RASA3: variants seen among roughly 807,000 people sequenced by gnomAD.
RASA3 encodes the protein ras GTPase-activating protein 3.
RASA3 carries 73 observed loss-of-function variants against 110.0 expected under a neutral mutation model. The observed-to-expected ratio is 0.66, with a 90% CI of 0.55 to 0.81. The LOEUF (loss-of-function observed/expected upper bound fraction) is 0.81, where lower values mean the gene tolerates loss of function less well. Ranked by LOEUF, RASA3 falls within the 30% of genes least tolerant of loss-of-function variation. The pLI, the probability that RASA3 is intolerant of heterozygous loss-of-function variation, is 0.00. For synonymous variants in RASA3, 500 were observed against 451.4 expected, an observed-to-expected ratio of 1.11 and a Z score of -1.37; for missense variants, 976 against 1,113.2, an observed-to-expected ratio of 0.88 and a Z score of 1.75.
intron 2 of RASA3, among the ~76,000 whole-genome samples, chr13:114,071,289 A>G (rs2079569363): frequency 1.3e-5 from 2 of 152,176 alleles, no homozygotes; most frequent in South Asian, 4.1e-4. Flanking sequence ...GGCCAGAACC[A>G]TGATTTCTAT....
chr13:114,002,390 G>A (rs1012405109), intron 18 of RASA3, among the ~76,000 whole-genome samples: 12 of 152,090 alleles, frequency 7.9e-5, no homozygotes, highest in African/African-American at 2.4e-4. Context: ...GATGCCGAAC[G>A]CCGTTCATTC....
At chr13:114,104,934 C>T (rs2080114158) in intron 1 of RASA3, among the ~76,000 whole-genome samples, 1 of 151,438 alleles carries the variant, frequency 6.6e-6, no homozygotes, top group Admixed American at 6.6e-5. Flanking sequence ...CACACGTTCA[C>T]CTGAGCATTG....
chr13:114,018,138 T>C lies in RASA3; in HGVS notation c.1057A>G (p.Ser353Gly), dbSNP rs377588790. 1.4e-4 allele frequency: 214 copies of C among 1,549,948 alleles called. No homozygotes were observed. The highest frequency in any genetic ancestry group is 1.5e-4 in the Non-Finnish European group (170 of 1,146,740). The change falls in exon 11 of 24, where the codon AGT (serine) becomes GGT (glycine). Residue 353 changes from serine (S) to glycine (G), a missense_variant. By Grantham distance (56) the Ser-to-Gly change is moderately conservative. Transcript: ENST00000334062. Reference sequence around the variant, plus strand: ...TTCACCTCCGCGCTGGCGATGGCACTGATGAATGGCACCACCCTGCCATAG... The same window carrying C: ...TTCACCTCCGCGCTGGCGATGGCACCGATGAATGGCACCACCCTGCCATAG... ...LHYGRVVPFI[S>G]AIASAEVKRT... is the part of the protein sequence containing the mutation.
At chr13:114,025,634 C>T (rs916150853) in intron 7 of RASA3, among the ~76,000 whole-genome samples, 13 of 152,384 alleles carry the variant, frequency 8.5e-5, no homozygotes, top group Admixed American at 7.8e-4. Flanking sequence ...ATCACCAGCA[C>T]GGTGCTGGCA....
intron 18 of RASA3, among the ~76,000 whole-genome samples, chr13:114,002,499 G>A (rs758792577): frequency 1.3e-5 from 2 of 152,222 alleles, no homozygotes; most frequent in Non-Finnish European, 2.9e-5. Flanking sequence ...GGGGGTTGGG[G>A]GGGGACTGGG....
chr13:113,990,263 T>C (rs1003335624), intron 22 of RASA3, among the ~76,000 whole-genome samples: 3 of 151,810 alleles, frequency 2.0e-5, no homozygotes, highest in African/African-American at 7.3e-5. Flanking sequence ...ATGGGGATGG[T>C]GAGGTTGGGA....
chr13:114,005,688 A>G (rs75595144), intron 18 of RASA3, among the ~76,000 whole-genome samples: 20,631 of 152,028 alleles, frequency 0.14, 1,775 homozygotes, highest in Middle Eastern at 0.21. Flanking sequence ...CGACTAGGGA[A>G]TCTTCTGGAA....
intron 1 of RASA3, among the ~76,000 whole-genome samples, chr13:114,076,259 G>A (rs2079679808): frequency 6.6e-6 from 1 of 152,342 alleles, no homozygotes; most frequent in African/African-American, 2.4e-5. Flanking sequence ...CATTAAGGAA[G>A]CATCAATGAT....
Position 114,132,498 on chromosome 13 carries a change from T to TCCGCGC in RASA3, c.-15_-10dup. The TCCGCGC allele has an allele frequency of 6.8e-7, 1 of 1,464,224 alleles. No homozygotes were observed. Among genetic ancestry groups the TCCGCGC allele is most frequent in the Non-Finnish European group, 9.0e-7 (1 of 1,110,268 alleles). 90.7% of individuals were successfully genotyped at this position (1,464,224 alleles called of 1,614,324 possible). On this transcript the variant is annotated 5_prime_UTR_variant, in exon 1 of 24. Coordinates refer to ENST00000334062, the MANE Select transcript of RASA3 (RefSeq NM_007368.4). Reference sequence around the variant, plus strand: ...TCGTCCTCCACCGCCATGCTGCGCGTCCGCGCCCGCCGAGCCTCGCCCCAA... The same window carrying TCCGCGC: ...TCGTCCTCCACCGCCATGCTGCGCGTCCGCGCCCGCGCCCGCCGAGCCTCGCCCCAA...
In RASA3 at chr13:114,043,852, TCACTCGCTGAGC is replaced by T. The variant is rs1469561755; in HGVS notation, c.278-2770_278-2759del. On this transcript the variant is annotated intron_variant, in intron 3 of 23. Coordinates refer to ENST00000334062, the MANE Select transcript of RASA3 (RefSeq NM_007368.4). ...CACTCGCTGAGCCCCCCGCCCCGCCTCACTCGCTGAGCCCCCCCGCCCCGCCTCACTCGCTGA... is the reference window on the plus strand; with the variant it reads ...CACTCGCTGAGCCCCCCGCCCCGCCTCCCCCCGCCCCGCCTCACTCGCTGA... Among the ~76,000 whole-genome samples, 7 of 3,982 alleles carry T rather than the reference TCACTCGCTGAGC, an allele frequency of 1.8e-3. 1 individual carries two copies. Among genetic ancestry groups the T allele is most frequent in the Non-Finnish European group, 2.9e-3 (7 of 2,376 alleles). The allele number at this position is 3,982 out of a possible 152,430, so 2.6% of individuals were successfully genotyped here. A position where few individuals can be genotyped will look rare whatever the true frequency, so the allele number is the denominator to read the frequency against.
intron 1 of RASA3, among the ~76,000 whole-genome samples, chr13:114,126,375 C>T (rs1263955272): frequency 2.0e-5 from 3 of 152,212 alleles, no homozygotes; most frequent in Non-Finnish European, 4.4e-5. Context: ...CCAGGCCGTG[C>T]ATCTCATAAC....
intron 21 of RASA3, 46 bp from the exon 22 acceptor site, chr13:113,992,634 ACGAT>A: frequency 3.6e-6 from 5 of 1,376,116 alleles, no homozygotes; most frequent in Non-Finnish European, 5.1e-6. Context: ...ACTTATTTAA[ACGAT>A]GCTTTTAATA....
chr13:114,074,856 G>C (rs1191097636), intron 1 of RASA3, among the ~76,000 whole-genome samples: 1 of 152,268 alleles, frequency 6.6e-6, no homozygotes, highest in Non-Finnish European at 1.5e-5. Flanking sequence ...TGGAAGCTCG[G>C]AGCATGCCCC....
Position 114,062,496 on chromosome 13 carries a change from C to T in RASA3, c.174-10341G>A, listed in dbSNP as rs568677950. ...GTTCCTCCGACGTTCAACACACAGT[C>T]GCCACGGGACACAGTGGTTCCACCC... is the stretch of plus-strand genomic sequence containing the variant. On this transcript the variant is annotated intron_variant, in intron 2 of 23. Transcript: ENST00000334062. Among the ~76,000 whole-genome samples the T allele has an allele frequency of 1.8e-4, 28 of 152,208 alleles. No homozygotes were observed. In the East Asian group the frequency reaches 4.3e-3, roughly 23 times the overall value.
chr13:114,051,086 C>T (rs958935787), intron 3 of RASA3, among the ~76,000 whole-genome samples: 1 of 152,218 alleles, frequency 6.6e-6, no homozygotes, highest in African/African-American at 2.4e-5. Context: ...ACGCACAGCA[C>T]CCTCGTGGCC....
intron 2 of RASA3, among the ~76,000 whole-genome samples, chr13:114,058,711 C>A (rs75238954): frequency 5.9e-5 from 9 of 152,212 alleles, no homozygotes; most frequent in Admixed American, 5.2e-4. Context: ...TGGACTATGC[C>A]GACCCGCAGT....
chr13:114,104,769 G>A (rs1478138428), intron 1 of RASA3, among the ~76,000 whole-genome samples: 1 of 152,150 alleles, frequency 6.6e-6, no homozygotes, highest in Non-Finnish European at 1.5e-5. Context: ...CAGACTCCAA[G>A]TGCAGGCTGC....
In RASA3 at chr13:114,031,167, G is replaced by C. The variant is rs548130191; in HGVS notation, c.373-1280C>G. Among the ~76,000 whole-genome samples, 7 of 151,924 alleles carry C rather than the reference G, an allele frequency of 4.6e-5. No individual in the cohort carries two copies. The South Asian group carries it at 8.3e-4, about 18-fold the overall frequency. The stretch of plus-strand genomic sequence containing the variant: ...CGCCTGTGTGTGCATGCAGCTGTGT[G>C]TGTCTGCCTGTCTGTGCATGTGGCT... On this transcript the variant is annotated intron_variant, in intron 4 of 23. Transcript: ENST00000334062.
At chr13:114,060,621 G>T (rs2139607086) in intron 2 of RASA3, among the ~76,000 whole-genome samples, 1 of 152,306 alleles carries the variant, frequency 6.6e-6, no homozygotes, top group African/African-American at 2.4e-5. Flanking sequence ...GGACGCGAAG[G>T]GCCAGGACCG....
Sources: gnomAD v4.1 joint callset for allele counts (sites outside exome capture counted in the v4.1 genomes callset) on GRCh38, gnomAD v4.1.1 for gene constraint, MANE v1.5 for transcripts, NCBI Gene and HGNC (gene_info 2026-07-23, HGNC 2026-07-21) for gene names.